The following NME7 variants were observed in gnomAD, a reference collection of about 807,000 sequenced individuals.
NME7 encodes the protein nucleoside diphosphate kinase 7.
In NME7, 41 loss-of-function variants were observed where a neutral mutation model predicts 49.1. The ratio of observed to expected loss-of-function variants is 0.83; its 90% CI spans 0.65 to 1.08. The LOEUF (loss-of-function observed/expected upper bound fraction) is 1.08, where lower values mean the gene tolerates loss of function less well. Among genes scored for constraint, NME7 ranks in the 50% least tolerant of loss-of-function variants. The probability of loss-of-function intolerance (pLI) is 0.00; values close to 1 mark genes in which losing one functional copy is unlikely to be tolerated. For missense variants in NME7, 423 were observed against 463.4 expected, an observed-to-expected ratio of 0.91 and a Z score of 0.80; for synonymous variants, 139 against 150.6, an observed-to-expected ratio of 0.92 and a Z score of 0.56.
At chr1:169,347,717 T>C (rs570787691) in intron 1 of NME7, among the ~76,000 whole-genome samples, 4 of 152,162 alleles carry the variant, frequency 2.6e-5, no homozygotes, top group Non-Finnish European at 5.9e-5. Context: ...CATCTAGTAC[T>C]CCTGTGCAAA....
intron 11 of NME7, among the ~76,000 whole-genome samples, chr1:169,148,782 G>C (rs1426664775): frequency 6.6e-6 from 1 of 152,148 alleles, no homozygotes; most frequent in African/African-American, 2.4e-5. Flanking sequence ...TTGGTGGTTG[G>C]TAATGTGAAC....
intron 11 of NME7, among the ~76,000 whole-genome samples, chr1:169,158,337 C>T (rs565626772): frequency 1.3e-3 from 205 of 152,196 alleles, no homozygotes; most frequent in South Asian, 2.7e-3. Context: ...GTAATATTTC[C>T]TCATACTACT....
At chr1:169,149,802 G>T (rs1658858100) in intron 11 of NME7, among the ~76,000 whole-genome samples, 1 of 152,110 alleles carries the variant, frequency 6.6e-6, no homozygotes, top group Non-Finnish European at 1.5e-5. Context: ...CTTACTTCTG[G>T]AATATTCCAT....
chr1:169,227,299 T>C (rs1187654561), intron 10 of NME7, among the ~76,000 whole-genome samples: 1 of 152,162 alleles, frequency 6.6e-6, no homozygotes, highest in Non-Finnish European at 1.5e-5. Context: ...TTTTAGGCAT[T>C]CAAAACTTTA....
At chr1:169,205,881 C>T (rs1236051890) in intron 10 of NME7, among the ~76,000 whole-genome samples, 1 of 152,258 alleles carries the variant, frequency 6.6e-6, no homozygotes, top group East Asian at 1.9e-4. Context: ...CCTCACCTCA[C>T]ACATTCACTC....
intron 10 of NME7, among the ~76,000 whole-genome samples, chr1:169,208,604 A>G (rs1158704278): frequency 1.3e-5 from 2 of 152,150 alleles, no homozygotes; most frequent in African/African-American, 4.8e-5. Context: ...GAAGAAAGGT[A>G]TATTTCTATT....
intron 1 of NME7, among the ~76,000 whole-genome samples, chr1:169,325,023 G>A (rs984703628): frequency 1.3e-5 from 2 of 151,886 alleles, no homozygotes; most frequent in African/African-American, 4.8e-5. Flanking sequence ...TAGAAATAGA[G>A]AATGTGTTAG....
chr1:169,285,167 T>C (rs1048891716), intron 7 of NME7: 1 of 152,082 alleles, frequency 6.6e-6, no homozygotes, highest in African/African-American at 2.4e-5. Context: ...TTTTGAAATA[T>C]CTGTAGATAC....
chr1:169,355,582 C>T (rs1056556170), intron 1 of NME7, among the ~76,000 whole-genome samples: 1 of 151,190 alleles, frequency 6.6e-6, no homozygotes, highest in Admixed American at 6.7e-5. Context: ...ACTAAATAAA[C>T]CAAGCAGGCT....
rs560007244 is a variant in NME7, at chr1:169,239,536, A to C, written c.755-1849T>G. ...AATTATTTTGGACATAGAAACCCAA[A>C]ACATACTAAATAGCATTTATAGAGT... On this transcript the variant is annotated intron_variant, in intron 7 of 11. Transcript: ENST00000367811. Among the ~76,000 whole-genome samples, 5 of 152,160 alleles carry C rather than the reference A, an allele frequency of 3.3e-5. No homozygotes were observed. The South Asian group carries it at 1.0e-3, about 32-fold the overall frequency.
chr1:169,191,856 AT>A (rs1348693533), intron 10 of NME7, among the ~76,000 whole-genome samples: 1 of 152,108 alleles, frequency 6.6e-6, no homozygotes, highest in African/African-American at 2.4e-5. Context: ...ATCAATAAAC[AT>A]TTGCTGAAGG....
At chr1:169,223,404 T>G (rs1661204372) in intron 10 of NME7, among the ~76,000 whole-genome samples, 2 of 152,252 alleles carry the variant, frequency 1.3e-5, no homozygotes, top group South Asian at 4.1e-4. Context: ...TGAAACTATA[T>G]ATATCCCATT....
chr1:169,347,404 A>T (rs12081893), intron 1 of NME7, among the ~76,000 whole-genome samples: 2,213 of 152,258 alleles, frequency 0.015, 59 homozygotes, highest in African/African-American at 0.05. Context: ...GACAAAAAGT[A>T]TAAAGCTTTG....
chr1:169,330,365 C>CA (rs1248495245), intron 1 of NME7, among the ~76,000 whole-genome samples: 3 of 152,136 alleles, frequency 2.0e-5, no homozygotes, highest in African/African-American at 7.2e-5. Context: ...TACCATCTCA[C>CA]ACCAGTCAGA....
intron 1 of NME7, among the ~76,000 whole-genome samples, chr1:169,326,245 C>T (rs1292040552): frequency 6.6e-6 from 1 of 152,066 alleles, no homozygotes; most frequent in Non-Finnish European, 1.5e-5. Flanking sequence ...ATACTCTATC[C>T]AGAAAAGAGT....
chr1:169,247,370 C>T (rs564918530), intron 7 of NME7, among the ~76,000 whole-genome samples: 6 of 152,262 alleles, frequency 3.9e-5, no homozygotes, highest in Admixed American at 3.9e-4. Context: ...AGGCCAGTCT[C>T]TATGTGGTTG....
intron 10 of NME7, 55 bp downstream of exon 10, chr1:169,230,663 T>C: frequency 8.2e-7 from 1 of 1,213,156 alleles, no homozygotes. Flanking sequence ...TTTAAACCTG[T>C]TAAAATAGTG....
At chr1:169,188,246 A>G (rs1035285711) in intron 10 of NME7, among the ~76,000 whole-genome samples, 2 of 152,152 alleles carry the variant, frequency 1.3e-5, no homozygotes, top group African/African-American at 2.4e-5. Flanking sequence ...ACAAATGTCT[A>G]TAAGTATTTT....
intron 10 of NME7, among the ~76,000 whole-genome samples, chr1:169,206,683 AAAT>A (rs1660683396): frequency 1.3e-5 from 2 of 152,136 alleles, no homozygotes; most frequent in South Asian, 4.1e-4. Context: ...CTCTAAAATA[AAAT>A]TATCAGAATA....
Sources: gnomAD v4.1 joint callset for allele counts (sites outside exome capture counted in the v4.1 genomes callset) on GRCh38, gnomAD v4.1.1 for gene constraint, MANE v1.5 for transcripts, NCBI Gene and HGNC (gene_info 2026-07-23, HGNC 2026-07-21) for gene names.